The following SNX25 variants were observed in gnomAD, a reference collection of about 807,000 sequenced individuals.
The protein encoded by SNX25 is sorting nexin 25.
SNX25 carries 62 observed loss-of-function variants against 113.7 expected under a neutral mutation model. The ratio of observed to expected loss-of-function variants is 0.55; its 90% confidence interval spans 0.44 to 0.67. The LOEUF (loss-of-function observed/expected upper bound fraction) is 0.67, where lower values mean the gene tolerates loss of function less well. Among genes scored for constraint, SNX25 ranks in the 30% least tolerant of loss-of-function variants. SNX25 has a pLI of 0.00. For missense variants in SNX25, 1,014 were observed against 1,161.0 expected (o/e 0.87, Z 1.84); for synonymous variants, 421 against 436.2 (o/e 0.97, Z 0.43).
At chr4:185,240,555 G>A (rs1743667408) in intron 1 of SNX25, among the ~76,000 whole-genome samples, 2 of 150,530 alleles carry the variant, frequency 1.3e-5, no homozygotes, top group Non-Finnish European at 3.0e-5. Flanking sequence ...GGACAGGGCG[G>A]CTGGCCGGGC....
chr4:185,279,932 T>A (rs1462370065), intron 5 of SNX25, among the ~76,000 whole-genome samples: 1 of 152,154 alleles, frequency 6.6e-6, no homozygotes, highest in African/African-American at 2.4e-5. Context: ...CTTTGTTTTG[T>A]GTTTTTAAGA....
intron 1 of SNX25, among the ~76,000 whole-genome samples, chr4:185,244,263 G>T (rs150522058): frequency 2.0e-5 from 3 of 152,354 alleles, no homozygotes; most frequent in African/African-American, 7.2e-5. Context: ...GAAGTGCTGG[G>T]ATTATAGGCG....
downstream of SNX25, chr4:185,372,900 G>T (rs2095420636): frequency 6.2e-7 from 1 of 1,612,532 alleles, no homozygotes; most frequent in Admixed American, 1.7e-5. Context: ...TCATCTTATA[G>T]TAATACTCCA....
At chr4:185,230,651 G>A (rs61184800) in intron 1 of SNX25, among the ~76,000 whole-genome samples, 2,307 of 151,194 alleles carry the variant, frequency 0.015, 49 homozygotes, top group African/African-American at 0.053. Context: ...CACCTGCCTC[G>A]GCCTCCCAAA....
chr4:185,346,335 G>T (rs1023774805), intron 12 of SNX25, among the ~76,000 whole-genome samples: 4 of 152,166 alleles, frequency 2.6e-5, no homozygotes, highest in African/African-American at 9.7e-5. Flanking sequence ...GGATCTGTAG[G>T]TTTGGGGATG....
chr4:185,278,940 A>T (rs1436945066), intron 5 of SNX25, among the ~76,000 whole-genome samples: 1 of 152,154 alleles, frequency 6.6e-6, no homozygotes, highest in East Asian at 1.9e-4. Flanking sequence ...TCTAAAAGGC[A>T]CCAGCTAGCC....
chr4:185,212,463 A>ATGTG lies in SNX25; in HGVS notation c.429+2234_429+2237dup, dbSNP rs1553980506. 1.9e-4 allele frequency among the ~76,000 whole-genome samples: 23 copies of ATGTG among 119,382 alleles called. 1 individual carries two copies. Among genetic ancestry groups the ATGTG allele is most frequent in the South Asian group, 5.3e-4 (2 of 3,768 alleles). 78.3% of individuals were successfully genotyped at this position (119,382 alleles called of 152,430 possible). Reference sequence around the variant, plus strand: ...TGCTGTATTTCCAATAATTTGTGTGATGTGTGTGTGTGTGTGTGTGTGTGT... The same window carrying ATGTG: ...TGCTGTATTTCCAATAATTTGTGTGATGTGTGTGTGTGTGTGTGTGTGTGTGTGT... On this transcript the variant is annotated intron_variant, in intron 1 of 18. Coordinates refer to ENST00000652585, the MANE Select transcript of SNX25 (RefSeq NM_001378034.2).
intron 6 of SNX25, 73 bp downstream of exon 6, chr4:185,288,155 C>T (rs1220611429): frequency 8.3e-7 from 1 of 1,204,226 alleles, no homozygotes; most frequent in Non-Finnish European, 1.2e-6. Flanking sequence ...TCCCACCTGT[C>T]AGATCTTTGG....
downstream of SNX25, chr4:185,365,018 ATG>A (rs3841656): frequency 0.28 from 42,139 of 148,712 alleles, 6,863 homozygotes; most frequent in African/African-American, 0.47. Flanking sequence ...GTGTGTGTGT[ATG>A]TGTGTGTGTG....
intron 1 of SNX25, among the ~76,000 whole-genome samples, chr4:185,245,746 G>A (rs1744777522): frequency 6.6e-6 from 1 of 152,168 alleles, no homozygotes; most frequent in Non-Finnish European, 1.5e-5. Flanking sequence ...TTTTAAAAGT[G>A]TCTGTGCTTG....
intron 5 of SNX25, among the ~76,000 whole-genome samples, chr4:185,276,490 T>C (rs904094670): frequency 6.6e-6 from 1 of 152,172 alleles, no homozygotes; most frequent in African/African-American, 2.4e-5. Flanking sequence ...AAGACCAAAA[T>C]GTCACTTACA....
intron 5 of SNX25, among the ~76,000 whole-genome samples, chr4:185,283,105 A>T (rs1750875820): frequency 6.6e-6 from 1 of 152,206 alleles, no homozygotes; most frequent in African/African-American, 2.4e-5. Flanking sequence ...CTGTGTCAGA[A>T]GGTCTGGTGA....
intron 1 of SNX25, among the ~76,000 whole-genome samples, chr4:185,240,922 C>T (rs551603089): frequency 2.0e-5 from 3 of 150,694 alleles, no homozygotes; most frequent in Admixed American, 1.3e-4. Context: ...AGACGATGGG[C>T]GGCCTGGCAG....
At chr4:185,340,711 T>TAA (rs1199652557) in intron 11 of SNX25, among the ~76,000 whole-genome samples, 212 of 152,188 alleles carry the variant, frequency 1.4e-3, no homozygotes, top group African/African-American at 5.0e-3. Context: ...TGTATTAAAA[T>TAA]CATCTTCCAA....
upstream of SNX25, among the ~76,000 whole-genome samples, chr4:185,206,198 C>G (rs1339877307): frequency 6.6e-6 from 1 of 152,170 alleles, no homozygotes; most frequent in Non-Finnish European, 1.5e-5. Flanking sequence ...CAAACAGATA[C>G]TTATGCACCC....
At chr4:185,212,920 C>T (rs1242893551) in intron 1 of SNX25, among the ~76,000 whole-genome samples, 1 of 152,228 alleles carries the variant, frequency 6.6e-6, no homozygotes, top group Non-Finnish European at 1.5e-5. Context: ...ACATGTCAGA[C>T]ACTGGGATCA....
intron 6 of SNX25, among the ~76,000 whole-genome samples, chr4:185,294,690 A>C (rs1293890320): frequency 6.6e-6 from 1 of 152,226 alleles, no homozygotes; most frequent in East Asian, 1.9e-4. Flanking sequence ...GCATTATTAG[A>C]GCAGAACAAT....
At chr4:185,278,391 G>C (rs1750061098) in intron 5 of SNX25, among the ~76,000 whole-genome samples, 1 of 152,226 alleles carries the variant, frequency 6.6e-6, no homozygotes, top group Non-Finnish European at 1.5e-5. Flanking sequence ...GAAGCTGCAT[G>C]ACCTTGGGAA....
At chr4:185,258,001 A>G (rs867959779) in intron 2 of SNX25, among the ~76,000 whole-genome samples, 1 of 152,370 alleles carries the variant, frequency 6.6e-6, no homozygotes. Context: ...GGGATTAAGT[A>G]CTAAGGAGTA....
Sources: allele counts gnomAD v4.1 joint callset (sites outside exome capture counted in the v4.1 genomes callset), GRCh38; gene constraint gnomAD v4.1.1; transcripts MANE v1.5; gene names NCBI Gene and HGNC (gene_info 2026-07-23, HGNC 2026-07-21).